Variants in NAA11 observed in about 807,000 individuals in gnomAD.
The protein encoded by NAA11 is N-alpha-acetyltransferase 11.
A neutral mutation model predicts 16.1 loss-of-function variants in NAA11; 15 were observed. The ratio of observed to expected loss-of-function variants is 0.93; its 90% CI spans 0.62 to 1.44. The LOEUF (loss-of-function observed/expected upper bound fraction) is 1.44, where lower values mean the gene tolerates loss of function less well. NAA11 is among the 40% of genes most tolerant of loss of function. The pLI, the probability that NAA11 is intolerant of heterozygous loss-of-function variation, is 0.00. For synonymous variants in NAA11, 122 were observed against 112.4 expected (o/e 1.09, Z -0.54); for missense variants, 298 against 291.3 (o/e 1.02, Z -0.17).
chr4:79,292,676 A>G (rs541691651), intron 2 of NAA11, among the ~76,000 whole-genome samples: 68 of 152,366 alleles, frequency 4.5e-4, no homozygotes, highest in African/African-American at 1.6e-3. Context: ...GATGGGAATT[A>G]GAAAGCAAGA....
At chr4:79,189,258 G>A in the NAA11 span, among the ~76,000 whole-genome samples, 4 of 151,814 alleles carry the variant, frequency 2.6e-5, no homozygotes, top group East Asian at 1.9e-4. Flanking sequence ...TGAGAAGAAA[G>A]GATGCAGGAT....
chr4:79,294,252 C>G (rs377621592), intron 1 of NAA11: 2 of 152,198 alleles, frequency 1.3e-5, no homozygotes, highest in South Asian at 2.1e-4. Context: ...GCCTATGACT[C>G]ATAAGCCCTT....
intron 1 of NAA11, among the ~76,000 whole-genome samples, chr4:79,307,444 G>C (rs1238140167): frequency 6.6e-6 from 1 of 151,876 alleles, no homozygotes; most frequent in Non-Finnish European, 1.5e-5. Context: ...TTTGGCTGAG[G>C]ATTTTTTTTT....
At chr4:79,240,642 G>A (rs1053398328) in intron 2 of NAA11, among the ~76,000 whole-genome samples, 1 of 152,132 alleles carries the variant, frequency 6.6e-6, no homozygotes, top group South Asian at 2.1e-4. Context: ...CATTGAATGG[G>A]GAGATGAGAC....
At chr4:79,213,519 T>C in the NAA11 span, among the ~76,000 whole-genome samples, 2 of 151,744 alleles carry the variant, frequency 1.3e-5, no homozygotes, top group East Asian at 3.9e-4. Context: ...ATGGTAAGAA[T>C]AGGAAGCTTT....
rs375426109 is a variant in NAA11 at position 79,230,221 on chromosome 4, C to A, written c.*123-3951G>T. On this transcript the variant is annotated intron_variant and NMD_transcript_variant, in intron 2 of 2. Transcript: ENST00000511542. ...TTCTCACTCATAGGTGGGAATTGAA[C>A]AATGAGAACACATGGACACAGGAAG... 5.4e-5 allele frequency among the ~76,000 whole-genome samples: 8 copies of A among 146,822 alleles called. No homozygotes were observed. In the East Asian group the frequency reaches 1.4e-3, roughly 26 times the overall value.
intron 2 of NAA11, among the ~76,000 whole-genome samples, chr4:79,285,900 T>C (rs1722897398): frequency 6.6e-6 from 1 of 152,030 alleles, no homozygotes; most frequent in African/African-American, 2.4e-5. Flanking sequence ...ATTCAAATAT[T>C]CCATTTTTTT....
intron 2 of NAA11, among the ~76,000 whole-genome samples, chr4:79,247,606 C>T (rs1258270461): frequency 1.3e-5 from 2 of 152,072 alleles, no homozygotes; most frequent in Non-Finnish European, 2.9e-5. Flanking sequence ...GTGACCAGAA[C>T]ATCAGTAAGA....
intron 2 of NAA11, among the ~76,000 whole-genome samples, chr4:79,292,770 G>A (rs1218267832): frequency 6.6e-6 from 1 of 152,060 alleles, no homozygotes; most frequent in Non-Finnish European, 1.5e-5. Flanking sequence ...TTCATTTCAG[G>A]TTTGATTTAC....
At chr4:79,204,540 T>G in the NAA11 span, among the ~76,000 whole-genome samples, 15 of 137,336 alleles carry the variant, frequency 1.1e-4, no homozygotes, top group African/African-American at 3.4e-4. Context: ...CCTCCTTCCC[T>G]TCCTCCCTCC....
the NAA11 span, among the ~76,000 whole-genome samples, chr4:79,189,770 C>T: frequency 1.3e-5 from 2 of 152,122 alleles, no homozygotes. Flanking sequence ...TTCTAAGGAT[C>T]CCAGACGGAG....
intron 2 of NAA11, among the ~76,000 whole-genome samples, chr4:79,279,344 G>A (rs1037555048): frequency 2.0e-5 from 3 of 152,176 alleles, no homozygotes; most frequent in Middle Eastern, 6.8e-3. Flanking sequence ...GAGAAAATAT[G>A]TAACTTGCTT....
intron 2 of NAA11, among the ~76,000 whole-genome samples, chr4:79,266,898 A>G (rs920817821): frequency 7.9e-5 from 12 of 152,228 alleles, no homozygotes; most frequent in African/African-American, 2.7e-4. Flanking sequence ...GAATTTTTCC[A>G]TTAAACGAGT....
intron 2 of NAA11, among the ~76,000 whole-genome samples, chr4:79,245,930 G>T (rs71333813): frequency 2.0e-5 from 3 of 152,194 alleles, no homozygotes; most frequent in Admixed American, 1.3e-4. Context: ...CGGTTTTGTC[G>T]AATAGAAAAG....
At chr4:79,277,188 T>C (rs1162561871) in intron 2 of NAA11, among the ~76,000 whole-genome samples, 1 of 152,098 alleles carries the variant, frequency 6.6e-6, no homozygotes, top group African/African-American at 2.4e-5. Context: ...CAAGGGTAAA[T>C]GACCCCTTTA....
At chr4:79,245,902 G>C (rs1258106977) in intron 2 of NAA11, among the ~76,000 whole-genome samples, 2 of 152,226 alleles carry the variant, frequency 1.3e-5, no homozygotes, top group African/African-American at 4.8e-5. Context: ...CATTGAGAAC[G>C]GGCCATGATG....
At chr4:79,201,829 A>C in the NAA11 span, among the ~76,000 whole-genome samples, 2 of 151,754 alleles carry the variant, frequency 1.3e-5, no homozygotes, top group Non-Finnish European at 3.0e-5. Context: ...GAAGTTTCTC[A>C]ATGAGGAATA....
At chr4:79,251,661 G>A (rs772611046) in intron 2 of NAA11, among the ~76,000 whole-genome samples, 35 of 151,748 alleles carry the variant, frequency 2.3e-4, no homozygotes, top group Non-Finnish European at 3.8e-4. Flanking sequence ...CCTTTTGTTA[G>A]CTTCTTCTAA....
At chr4:79,271,838 G>A (rs972564143) in intron 2 of NAA11, among the ~76,000 whole-genome samples, 1 of 151,922 alleles carries the variant, frequency 6.6e-6, no homozygotes, top group African/African-American at 2.4e-5. Context: ...TAGGGGGTGT[G>A]GTAGAGAGGC....
Sources: allele counts gnomAD v4.1 joint callset (sites outside exome capture counted in the v4.1 genomes callset), GRCh38; gene constraint gnomAD v4.1.1; transcripts MANE v1.5; gene names NCBI Gene and HGNC (gene_info 2026-07-23, HGNC 2026-07-21).